Variants in STXBP4 observed in about 807,000 individuals in gnomAD.
The protein encoded by STXBP4 is syntaxin binding protein 4, also known as syntaxin-binding protein 4.
Under a neutral mutation model 76.1 loss-of-function variants are expected in STXBP4, and 55 were observed. That is an observed-to-expected ratio of 0.72 (90% CI 0.58 to 0.91). STXBP4 has a LOEUF of 0.91. Among genes scored for constraint, STXBP4 ranks in the 40% least tolerant of loss-of-function variants. The pLI, the probability that STXBP4 is intolerant of heterozygous loss-of-function variation, is 0.00. For synonymous variants in STXBP4, 201 were observed against 220.2 expected (o/e 0.91, Z 0.77); for missense variants, 618 against 636.9 (o/e 0.97, Z 0.32).
At position 55,165,453 on chromosome 17, in the gene STXBP4, A is replaced by G. The variant is rs923207385; in HGVS notation, c.*5542A>G. Reference sequence around the variant, plus strand: ...AACGCCAGTGAGCTTCCTCCAGCCCAATGTGGTCAACATTGGAGGATTAGA... The same window carrying G: ...AACGCCAGTGAGCTTCCTCCAGCCCGATGTGGTCAACATTGGAGGATTAGA... On this transcript the variant is annotated 3_prime_UTR_variant, in exon 18 of 18. Transcript: ENST00000376352. 1.3e-5 allele frequency: 2 copies of G among 152,196 alleles called. No homozygotes were observed. Among genetic ancestry groups the G allele is most frequent in the Non-Finnish European group, 2.9e-5 (2 of 68,042 alleles). 9.4% of individuals were successfully genotyped at this position (152,196 alleles called of 1,614,324 possible). A position where few individuals can be genotyped will look rare whatever the true frequency, so the allele number is the denominator to read the frequency against.
At chr17:54,993,516 A>G (rs964740146) in intron 4 of STXBP4, among the ~76,000 whole-genome samples, 5 of 152,228 alleles carry the variant, frequency 3.3e-5, no homozygotes, top group African/African-American at 7.2e-5. Flanking sequence ...TAGTGCTTAC[A>G]TTATTTTTAA....
At chr17:55,053,413 T>C (rs1442919298) in intron 12 of STXBP4, among the ~76,000 whole-genome samples, 1 of 152,092 alleles carries the variant, frequency 6.6e-6, no homozygotes, top group African/African-American at 2.4e-5. Flanking sequence ...ATATTACATA[T>C]ATGAATAAAT....
In STXBP4 at chr17:55,169,204, A is replaced by C. The variant is rs914745412; in HGVS notation, c.*9293A>C. 6.6e-6 allele frequency: 1 copy of C among 152,192 alleles called. No individual in the cohort carries two copies. The highest frequency in any genetic ancestry group is 2.4e-5 in the African/African-American group (1 of 41,436). 9.4% of individuals were successfully genotyped at this position (152,192 alleles called of 1,614,324 possible). The stretch of plus-strand genomic sequence containing the variant: ...CCGATCCAAAGGAAAGGGGGAAAAA[A>C]ACCCACAAAAAGTGTGATGTCAAGC... On this transcript the variant is annotated 3_prime_UTR_variant, in exon 18 of 18. Coordinates refer to ENST00000376352, the MANE Select transcript of STXBP4 (RefSeq NM_178509.6).
chr17:55,100,818 G>T (rs1248797967), intron 16 of STXBP4, among the ~76,000 whole-genome samples: 1 of 152,178 alleles, frequency 6.6e-6, no homozygotes. Context: ...GGTTGTACAT[G>T]ACTATATTGC....
chr17:55,180,028 A>G, the STXBP4 span, among the ~76,000 whole-genome samples: 2 of 152,122 alleles, frequency 1.3e-5, no homozygotes, highest in Non-Finnish European at 2.9e-5. Flanking sequence ...CACCACCTCC[A>G]TGTCTGGTGG....
Position 55,102,861 on chromosome 17 carries a change from A to G in STXBP4, c.1489+21678A>G, listed in dbSNP as rs186312066. Among the ~76,000 whole-genome samples the G allele has an allele frequency of 8.0e-4, 122 of 152,112 alleles. No homozygotes were observed. In the East Asian group the frequency reaches 0.013, roughly 16 times the overall value. The stretch of plus-strand genomic sequence containing the variant: ...GTATCTCATTGTGGTTTTGATTTGC[A>G]TTTCTCTAATGACCAGTGGTGATGA... On this transcript the variant is annotated intron_variant, in intron 16 of 17. Transcript: ENST00000376352.
chr17:55,039,999 C>G (rs934208689), intron 10 of STXBP4, among the ~76,000 whole-genome samples: 1 of 152,030 alleles, frequency 6.6e-6, no homozygotes, highest in African/African-American at 2.4e-5. Flanking sequence ...CTCACTCAAA[C>G]TTGTAGGGAA....
At chr17:55,001,024 C>G (rs2077905612) in intron 7 of STXBP4, 141 bp downstream of exon 7, 6 of 576,466 alleles carry the variant, frequency 1.0e-5, no homozygotes, top group Admixed American at 3.7e-5. Flanking sequence ...AAAATAATGT[C>G]TTTCCGTTGG....
At chr17:55,210,035 C>T in the STXBP4 span, among the ~76,000 whole-genome samples, 2 of 152,114 alleles carry the variant, frequency 1.3e-5, no homozygotes, top group African/African-American at 4.8e-5. Flanking sequence ...TGCATGCAGG[C>T]ATGTTCATGT....
At chr17:55,186,860 G>A in the STXBP4 span, among the ~76,000 whole-genome samples, 1 of 152,012 alleles carries the variant, frequency 6.6e-6, no homozygotes, top group African/African-American at 2.4e-5. Context: ...CCATTTCACA[G>A]CTATATCCTT....
chr17:55,100,575 T>G (rs2079551631), intron 16 of STXBP4, among the ~76,000 whole-genome samples: 1 of 152,180 alleles, frequency 6.6e-6, no homozygotes, highest in Admixed American at 6.5e-5. Flanking sequence ...TAACTTAAAC[T>G]TTGAAAAATA....
intron 13 of STXBP4, among the ~76,000 whole-genome samples, chr17:55,073,646 GAC>G (rs2144877278): frequency 6.6e-6 from 1 of 152,198 alleles, no homozygotes; most frequent in Admixed American, 6.5e-5. Context: ...TGTTGTTGTT[GAC>G]ACAGAGTTTC....
chr17:55,031,043 G>A (rs2078499457), intron 8 of STXBP4, 125 bp from the exon 9 acceptor site: 1 of 648,418 alleles, frequency 1.5e-6, no homozygotes. Flanking sequence ...ACTTCCCTTG[G>A]GTGTTTAATC....
At chr17:55,137,803 T>G (rs1164849939) in intron 16 of STXBP4, among the ~76,000 whole-genome samples, 1 of 152,140 alleles carries the variant, frequency 6.6e-6, no homozygotes, top group Non-Finnish European at 1.5e-5. Context: ...GATAGGTATT[T>G]ACAAGTTTCT....
At chr17:55,176,203 A>G (rs570760214), downstream of STXBP4, among the ~76,000 whole-genome samples, 1 of 152,336 alleles carries the variant, frequency 6.6e-6, no homozygotes, top group South Asian at 2.1e-4. Context: ...AGCAGAGAAG[A>G]AGGCAAACTC....
intron 10 of STXBP4, among the ~76,000 whole-genome samples, chr17:55,040,655 T>C (rs1312476104): frequency 6.6e-6 from 1 of 152,136 alleles, no homozygotes; most frequent in Non-Finnish European, 1.5e-5. Flanking sequence ...ACCTATAGTA[T>C]GTATTTCTTG....
Position 55,164,245 on chromosome 17 carries a change from T to G in STXBP4, c.*4334T>G, listed in dbSNP as rs1377885675. ...ACTTTGTAAATATTAACTGCAATTC[T>G]GTATTTGCTTTCTTGATATGACTTT... On this transcript the variant is annotated 3_prime_UTR_variant, in exon 18 of 18. Coordinates refer to ENST00000376352, the MANE Select transcript of STXBP4 (RefSeq NM_178509.6). The G allele has an allele frequency of 6.6e-6, 1 of 152,206 alleles. No homozygotes were observed. Among genetic ancestry groups the G allele is most frequent in the Non-Finnish European group, 1.5e-5 (1 of 68,044 alleles). The allele number at this position is 152,206 out of a possible 1,614,324, so 9.4% of individuals were successfully genotyped here.
chr17:55,037,013 G>A (rs570471972), intron 10 of STXBP4, among the ~76,000 whole-genome samples: 9 of 151,914 alleles, frequency 5.9e-5, no homozygotes, highest in Non-Finnish European at 8.8e-5. Flanking sequence ...TCTTTTGTAA[G>A]CAATCTCTTT....
intron 3 of STXBP4, 66 bp downstream of exon 3, chr17:54,986,332 G>T (rs1598158404): frequency 7.7e-7 from 1 of 1,300,850 alleles, no homozygotes; most frequent in Admixed American, 2.0e-5. Flanking sequence ...ATGAACATTT[G>T]ATTAAAAGTT....
Sources: gnomAD v4.1 joint callset for allele counts (sites outside exome capture counted in the v4.1 genomes callset) on GRCh38, gnomAD v4.1.1 for gene constraint, MANE v1.5 for transcripts, NCBI Gene and HGNC (gene_info 2026-07-23, HGNC 2026-07-21) for gene names.